Variants in GIT2 observed in about 807,000 individuals in gnomAD.
GIT2 encodes the protein GIT ArfGAP 2.
GIT2 carries 32 observed loss-of-function variants against 100.3 expected under a neutral mutation model. The ratio of observed to expected loss-of-function variants is 0.32; its 90% CI spans 0.24 to 0.43. GIT2 has a LOEUF of 0.43. Among genes scored for constraint, GIT2 ranks in the 20% least tolerant of loss-of-function variants. GIT2 has a pLI of 1.00. For synonymous variants in GIT2, 353 were observed against 364.1 expected (o/e 0.97, Z 0.35); for missense variants, 737 against 975.1 (o/e 0.76, Z 3.25).
chr12:109,960,615 T>C (rs1880828733), intron 11 of GIT2, among the ~76,000 whole-genome samples: 2 of 152,116 alleles, frequency 1.3e-5, no homozygotes, highest in South Asian at 2.1e-4. Flanking sequence ...AACAAAATCA[T>C]AGTCTAGATA....
chr12:109,982,284 G>A (rs1443372949), intron 6 of GIT2: 1 of 152,188 alleles, frequency 6.6e-6, no homozygotes. Context: ...ACCAGCTGAA[G>A]AAATTTCTTA....
At chr12:109,996,024 GCCCGGGA>G in intron 1 of GIT2, 142 bp downstream of exon 1, 3 of 518,190 alleles carry the variant, frequency 5.8e-6, no homozygotes, top group Non-Finnish European at 1.0e-5. Context: ...GCTCTGACAG[GCCCGGGA>G]CGGTTCCCAC....
intron 14 of GIT2, among the ~76,000 whole-genome samples, chr12:109,950,117 A>C (rs568657178): frequency 6.6e-6 from 1 of 152,340 alleles, no homozygotes; most frequent in Admixed American, 6.5e-5. Context: ...AGAAGTCAAC[A>C]TCAAAAGAAT....
chr12:109,952,794 G>C (rs1878267990), intron 13 of GIT2: 1 of 479,156 alleles, frequency 2.1e-6, no homozygotes, highest in Admixed American at 3.3e-5. Flanking sequence ...GGCAATGAGA[G>C]CCTCACAGGA....
At chr12:109,966,033 T>A (rs2136463512) in intron 8 of GIT2, among the ~76,000 whole-genome samples, 1 of 147,866 alleles carries the variant, frequency 6.8e-6, no homozygotes, top group East Asian at 2.0e-4. Flanking sequence ...TCTCACTCTG[T>A]CACCCAGGCT....
chr12:109,989,660 A>C, intron 3 of GIT2, 30 bp downstream of exon 3: 1 of 1,190,450 alleles, frequency 8.4e-7, no homozygotes, highest in Non-Finnish European at 1.3e-6. Context: ...GTTATGAAGA[A>C]ATAAAAGTAT....
chr12:109,978,819 G>A (rs867585744), intron 7 of GIT2, among the ~76,000 whole-genome samples: 5 of 152,068 alleles, frequency 3.3e-5, no homozygotes, highest in East Asian at 3.8e-4. Flanking sequence ...GTCTGATAAC[G>A]CCAACATTTG....
chr12:109,969,481 TTGA>T (rs1883322002), intron 7 of GIT2, among the ~76,000 whole-genome samples: 1 of 152,176 alleles, frequency 6.6e-6, no homozygotes, highest in African/African-American at 2.4e-5. Context: ...ATTTTCAATT[TTGA>T]TGAAGTATAA....
intron 4 of GIT2, among the ~76,000 whole-genome samples, chr12:109,984,947 T>C (rs551309879): frequency 6.6e-6 from 1 of 152,290 alleles, no homozygotes; most frequent in South Asian, 2.1e-4. Flanking sequence ...TAATATGCTT[T>C]AATAAAGTCT....
At chr12:109,952,180 T>G (rs1878065317) in intron 13 of GIT2, among the ~76,000 whole-genome samples, 1 of 152,178 alleles carries the variant, frequency 6.6e-6, no homozygotes, top group Non-Finnish European at 1.5e-5. Flanking sequence ...GTCTCCCCAC[T>G]TCAACCTTCC....
At chr12:109,964,570 G>C (rs1045802826) in intron 9 of GIT2, among the ~76,000 whole-genome samples, 2 of 148,352 alleles carry the variant, frequency 1.3e-5, no homozygotes, top group South Asian at 2.2e-4. Context: ...AGGATTCCTG[G>C]AAGAGGACTT....
intron 7 of GIT2, among the ~76,000 whole-genome samples, chr12:109,979,708 T>C (rs1038389239): frequency 6.6e-6 from 1 of 152,188 alleles, no homozygotes; most frequent in African/African-American, 2.4e-5. Context: ...CAACCAGGAT[T>C]TACTTTTCAG....
rs746163344 is a variant in GIT2 at position 109,983,389 on chromosome 12, G to A, written c.607C>T (p.Pro203Ser). Residue 203 changes from proline to serine, a missense_variant, in exon 6 of 20, where the codon CCC becomes TCC. This residue lies in a region of GIT2 where 266 missense variants were observed against 376.2 expected (regional missense o/e 0.71). Coordinates refer to ENST00000355312, the MANE Select transcript of GIT2 (RefSeq NM_057169.5). ...PGTQDSSGKTPVDYARQGGHH... is the reference protein window; with the variant it reads ...PGTQDSSGKTSVDYARQGGHH... The stretch of plus-strand genomic sequence containing the variant: ...GTCTCTTACCTTGCATAATCAACGG[G>A]AGTTTTCCCACTAGAATCCTGTGTG... 4 of 1,613,574 alleles carry A rather than the reference G, an allele frequency of 2.5e-6. No homozygotes were observed. The Admixed American group carries it at 5.0e-5, about 20-fold the overall frequency.
chr12:109,997,672 A>T (rs1162972383), upstream of GIT2: 5 of 152,266 alleles, frequency 3.3e-5, no homozygotes, highest in African/African-American at 1.2e-4. Flanking sequence ...GGACAGATGG[A>T]ATAAATTATG....
In GIT2 at chr12:109,965,633, T is replaced by C. The variant is rs190600765; in HGVS notation, c.765-56A>G. The C allele has an allele frequency of 1.5e-4, 168 of 1,132,674 alleles. No homozygotes were observed. In the African/African-American group the frequency reaches 2.4e-3, roughly 16 times the overall value. The allele number at this position is 1,132,674 out of a possible 1,614,324, so 70.2% of individuals were successfully genotyped here. On this transcript the variant is annotated intron_variant, in intron 8 of 19. Coordinates refer to ENST00000355312, the MANE Select transcript of GIT2 (RefSeq NM_057169.5). The stretch of plus-strand genomic sequence containing the variant: ...TAAATAAAGCCAGACTTGTGAACTC[T>C]GTAAAGTTTAAGACACCCAAGAGAT...
chr12:109,954,111 A>AG (rs1375268343), intron 12 of GIT2: 1 of 151,996 alleles, frequency 6.6e-6, no homozygotes, highest in Non-Finnish European at 1.5e-5. Context: ...GATCGAAACC[A>AG]TCCTGGTTAA....
At chr12:109,967,418 T>C (rs780245602) in intron 8 of GIT2, 40 bp downstream of exon 8, 12 of 1,511,868 alleles carry the variant, frequency 7.9e-6, no homozygotes, top group Non-Finnish European at 1.0e-5. Context: ...AAGGAAATAT[T>C]AGCGATAGAC....
intron 13 of GIT2, 93 bp downstream of exon 13, chr12:109,952,999 G>T (rs1878342904): frequency 1.5e-6 from 2 of 1,306,132 alleles, no homozygotes; most frequent in Non-Finnish European, 2.2e-6. Context: ...GCCTGAGCTA[G>T]TAACAAACCC....
intron 7 of GIT2, among the ~76,000 whole-genome samples, chr12:109,974,151 A>C (rs1884543147): frequency 6.6e-6 from 1 of 152,198 alleles, no homozygotes; most frequent in African/African-American, 2.4e-5. Flanking sequence ...AGAAATTCTG[A>C]TATGCTGCAT....
Sources: allele counts gnomAD v4.1 joint callset (sites outside exome capture counted in the v4.1 genomes callset), GRCh38; gene constraint gnomAD v4.1.1; regional missense constraint gnomAD v4.1.1; transcripts MANE v1.5; gene names NCBI Gene and HGNC (gene_info 2026-07-23, HGNC 2026-07-21).